The following STON1 variants were observed in gnomAD, a reference collection of about 807,000 sequenced individuals.
STON1 encodes the protein stonin-1.
In STON1, 79 loss-of-function variants were observed where a neutral mutation model predicts 60.9. The observed-to-expected ratio is 1.30, with a 90% CI of 1.08 to 1.56. The LOEUF (loss-of-function observed/expected upper bound fraction) is 1.56. STON1 is among the 40% of genes most tolerant of loss of function. The probability of loss-of-function intolerance (pLI) is 0.00; values close to 1 mark genes in which losing one functional copy is unlikely to be tolerated. For missense variants in STON1, 1,166 were observed against 858.9 expected, an observed-to-expected ratio of 1.36 and a Z score of -4.47; for synonymous variants, 363 against 306.9, an observed-to-expected ratio of 1.18 and a Z score of -1.91.
At chr2:48,540,643 C>T (rs1286326071) in intron 1 of STON1, among the ~76,000 whole-genome samples, 1 of 152,186 alleles carries the variant, frequency 6.6e-6, no homozygotes, top group Non-Finnish European at 1.5e-5. Context: ...AAGTAACTTT[C>T]CCTGAGTTCT....
chr2:48,563,885 A>T (rs1433016815), intron 1 of STON1, among the ~76,000 whole-genome samples: 1 of 150,996 alleles, frequency 6.6e-6, no homozygotes, highest in Non-Finnish European at 1.5e-5. Context: ...CTTTTAATGG[A>T]GATGAGGTCT....
chr2:48,581,643 A>G lies in STON1; in HGVS notation c.1010A>G (p.Asn337Ser). Residue 337 changes from asparagine (N) to serine (S), a missense_variant, in exon 2 of 4, where the codon AAC becomes AGC. Transcript: ENST00000404752. ...YCRLSEPKVE[N>S]FSVAGKIHTV... is the part of the protein sequence containing the mutation. ...AGGCTTTCTGAACCCAAGGTTGAGA[A>G]CTTCAGTGTAGCAGGAAAAATCCAC... The G allele has an allele frequency of 1.2e-6, 2 of 1,614,116 alleles. No individual in the cohort carries two copies. Among genetic ancestry groups the G allele is most frequent in the Non-Finnish European group, 1.7e-6 (2 of 1,180,024 alleles).
intron 1 of STON1, among the ~76,000 whole-genome samples, chr2:48,532,436 C>G (rs989332637): frequency 1.7e-4 from 2 of 11,924 alleles, no homozygotes; most frequent in Admixed American, 1.6e-3. Flanking sequence ...AAAAGTAAGT[C>G]CAAAAAAAAA....
intron 1 of STON1, among the ~76,000 whole-genome samples, chr2:48,564,878 G>A (rs1169225516): frequency 9.4e-5 from 14 of 148,244 alleles, no homozygotes; most frequent in South Asian, 6.4e-4. Flanking sequence ...AATTACAGGC[G>A]TGCACCACCA....
At chr2:48,567,353 T>C (rs1056337533) in intron 1 of STON1, among the ~76,000 whole-genome samples, 2 of 152,230 alleles carry the variant, frequency 1.3e-5, no homozygotes, top group Non-Finnish European at 2.9e-5. Flanking sequence ...TCCTTTTTGT[T>C]CCAAACTTTC....
Position 48,567,091 on chromosome 2 carries a change from G to A in STON1, c.-47-13496G>A, listed in dbSNP as rs141701147. ...GCCGTAGGGGAGGGGCAGTGTTAGG[G>A]AATTGAGCTGGAACCAGCACTGACA... On this transcript the variant is annotated intron_variant, in intron 1 of 3. Transcript: ENST00000404752. Among the ~76,000 whole-genome samples, 984 of 152,290 alleles carry A rather than the reference G, an allele frequency of 6.5e-3. 5 individuals are homozygous for A. Among genetic ancestry groups the A allele is most frequent in the Middle Eastern group, 0.017 (5 of 294 alleles).
chr2:48,566,283 C>G (rs1250714102), intron 1 of STON1, among the ~76,000 whole-genome samples: 1 of 152,194 alleles, frequency 6.6e-6, no homozygotes, highest in African/African-American at 2.4e-5. Context: ...TCAAGTGATT[C>G]TCCTGCCTCA....
intron 1 of STON1, among the ~76,000 whole-genome samples, chr2:48,564,202 G>A (rs1302806342): frequency 1.3e-5 from 2 of 152,106 alleles, no homozygotes; most frequent in African/African-American, 4.8e-5. Flanking sequence ...ATGTCTTCAA[G>A]TTTGAGCTAC....
intron 1 of STON1, among the ~76,000 whole-genome samples, chr2:48,554,729 T>TA (rs1201041070): frequency 1.5e-5 from 1 of 66,344 alleles, no homozygotes; most frequent in African/African-American, 5.2e-5. Context: ...TTTTTTTATT[T>TA]ATTTATTTAT....
intron 1 of STON1, among the ~76,000 whole-genome samples, chr2:48,534,688 T>G (rs1671353240): frequency 6.6e-6 from 1 of 152,086 alleles, no homozygotes; most frequent in Middle Eastern, 3.2e-3. Context: ...GAGGCTGAGC[T>G]GGGAGGATCA....
chr2:48,584,721 G>A (rs1018857544), intron 2 of STON1, among the ~76,000 whole-genome samples: 2 of 152,212 alleles, frequency 1.3e-5, no homozygotes, highest in Non-Finnish European at 2.9e-5. Context: ...GATACAAGGT[G>A]TAGCCAGAGG....
In STON1 at chr2:48,539,237, T is replaced by A. The variant is rs893993205; in HGVS notation, c.-48+9021T>A. On this transcript the variant is annotated intron_variant, in intron 1 of 3. Transcript: ENST00000404752. ...CTTGCCCTTTTTTTATTCTTAATAT[T>A]GTTTATTTGTGCCAACTCTCTTTTT... Among the ~76,000 whole-genome samples, 4 of 152,084 alleles carry A rather than the reference T, an allele frequency of 2.6e-5. No homozygotes were observed. The East Asian group carries it at 7.7e-4, about 29-fold the overall frequency.
chr2:48,581,497 G>A lies in STON1; in HGVS notation c.864G>A (p.Met288Ile). The A allele has an allele frequency of 6.2e-7, 1 of 1,614,220 alleles. No homozygotes were observed. Among genetic ancestry groups the A allele is most frequent in the African/African-American group, 1.3e-5 (1 of 75,062 alleles). Reference protein sequence around the residue: ...FMLRIPEKKNMMSSRQWGPIF... With the variant: ...FMLRIPEKKNIMSSRQWGPIF... ...TGAGAATTCCTGAGAAGAAGAATAT[G>A]ATGTCTTCCCGGCAATGGGGACCAA... Residue 288 changes from methionine (M) to isoleucine (I), a missense_variant, in exon 2 of 4, where the codon ATG (methionine) becomes ATA (isoleucine). Met to Ile is a conservative substitution (Grantham distance 10). Transcript: ENST00000404752.
intron 1 of STON1, among the ~76,000 whole-genome samples, chr2:48,549,166 C>T (rs1274256865): frequency 1.3e-5 from 2 of 152,204 alleles, no homozygotes; most frequent in Non-Finnish European, 2.9e-5. Flanking sequence ...CAATCCCAGG[C>T]CTCCATAGAC....
At chr2:48,592,668 C>A (rs1366855973) in intron 3 of STON1, among the ~76,000 whole-genome samples, 2 of 150,982 alleles carry the variant, frequency 1.3e-5, no homozygotes, top group African/African-American at 4.9e-5. Flanking sequence ...GCCATGTTGG[C>A]CAGGCTGGTC....
intron 1 of STON1, among the ~76,000 whole-genome samples, chr2:48,575,034 G>A (rs1673403450): frequency 2.0e-5 from 3 of 152,172 alleles, no homozygotes; most frequent in Admixed American, 2.0e-4. Context: ...CCTACTCCCA[G>A]TTCCTGGCAA....
intron 1 of STON1, among the ~76,000 whole-genome samples, chr2:48,574,154 T>A (rs2103881845): frequency 6.6e-6 from 1 of 152,204 alleles, no homozygotes; most frequent in South Asian, 2.1e-4. Context: ...GGCAGGTGGA[T>A]CACTTGAGAT....
At chr2:48,560,253 A>G (rs946643892) in intron 1 of STON1, among the ~76,000 whole-genome samples, 6 of 152,194 alleles carry the variant, frequency 3.9e-5, no homozygotes, top group Admixed American at 6.5e-5. Context: ...GGAAATTTGC[A>G]TATTTAAAAT....
chr2:48,571,655 A>G (rs1406248277), intron 1 of STON1, among the ~76,000 whole-genome samples: 1 of 152,216 alleles, frequency 6.6e-6, no homozygotes, highest in Non-Finnish European at 1.5e-5. Context: ...GAGACCCAAT[A>G]GGCTTCTAAC....
Sources: gnomAD v4.1 joint callset for allele counts (sites outside exome capture counted in the v4.1 genomes callset) on GRCh38, gnomAD v4.1.1 for gene constraint, MANE v1.5 for transcripts, NCBI Gene and HGNC (gene_info 2026-07-23, HGNC 2026-07-21) for gene names.